The following SDK1 variants were observed in gnomAD, a reference collection of about 807,000 sequenced individuals.
SDK1 encodes the protein protein sidekick-1.
Under a neutral mutation model 245.5 loss-of-function variants are expected in SDK1, and 157 were observed. The observed-to-expected ratio is 0.64, with a 90% confidence interval of 0.56 to 0.73. The LOEUF is 0.73. Among genes scored for constraint, SDK1 ranks in the 30% least tolerant of loss-of-function variants. The pLI is 0.00. For synonymous variants in SDK1, 1,647 were observed against 1,278.5 expected, an observed-to-expected ratio of 1.29 and a Z score of -6.15; for missense variants, 3,583 against 3,002.3, an observed-to-expected ratio of 1.19 and a Z score of -4.52.
At chr7:4,248,820 C>G (rs1017748113) in intron 44 of SDK1, among the ~76,000 whole-genome samples, 1 of 152,184 alleles carries the variant, frequency 6.6e-6, no homozygotes, top group Non-Finnish European at 1.5e-5. Flanking sequence ...CACACAGGCA[C>G]ATGGCTCACA....
In SDK1 at chr7:3,454,444, T is replaced by C. The variant is rs552173222; in HGVS notation, c.298+152560T>C. On this transcript the variant is annotated intron_variant, in intron 1 of 44. Transcript: ENST00000404826. Reference sequence around the variant, plus strand: ...TGTGTGCTGTGTACATTTAAGTCTATGCAATTCTGTTACAGGTGTGGGTTT... The same window carrying C: ...TGTGTGCTGTGTACATTTAAGTCTACGCAATTCTGTTACAGGTGTGGGTTT... Among the ~76,000 whole-genome samples, 7 of 150,060 alleles carry C rather than the reference T, an allele frequency of 4.7e-5. No individual in the cohort carries two copies. In the East Asian group the frequency reaches 1.4e-3, roughly 29 times the overall value.
chr7:3,551,214 T>C (rs1342779993), intron 1 of SDK1, among the ~76,000 whole-genome samples: 2 of 152,304 alleles, frequency 1.3e-5, no homozygotes, highest in Middle Eastern at 3.4e-3. Context: ...CACATCTGTG[T>C]TTGTAATGTA....
intron 7 of SDK1, among the ~76,000 whole-genome samples, chr7:3,954,269 CTCTCCCGCATCACCTCTACACTCTACAG>C (rs1187526356): frequency 3.6e-5 from 4 of 109,614 alleles, no homozygotes; most frequent in South Asian, 4.0e-4. Context: ...CTACACCCTC[CTCTCCCGCATCACCTCTACACTCTACAG>C]CCTCCCCTCC....
intron 28 of SDK1, among the ~76,000 whole-genome samples, chr7:4,138,452 A>C (rs1490170180): frequency 6.6e-6 from 1 of 152,194 alleles, no homozygotes; most frequent in East Asian, 1.9e-4. Flanking sequence ...GCGTAGAAAA[A>C]TGATTACCAA....
intron 1 of SDK1, among the ~76,000 whole-genome samples, chr7:3,483,393 G>A (rs1321738743): frequency 6.6e-6 from 1 of 152,098 alleles, no homozygotes; most frequent in Non-Finnish European, 1.5e-5. Flanking sequence ...TATTGAAGAT[G>A]TAAGAAGGCT....
At chr7:3,851,271 CT>C (rs1318814322) in intron 5 of SDK1, among the ~76,000 whole-genome samples, 1 of 151,892 alleles carries the variant, frequency 6.6e-6, no homozygotes, top group Non-Finnish European at 1.5e-5. Flanking sequence ...ATGATATAGT[CT>C]TTTTTAATTG....
intron 4 of SDK1, among the ~76,000 whole-genome samples, chr7:3,739,785 T>A (rs1285296342): frequency 6.6e-6 from 1 of 152,186 alleles, no homozygotes; most frequent in African/African-American, 2.4e-5. Flanking sequence ...TGATTGCTTT[T>A]TTTCCCCCGT....
At chr7:4,054,079 C>T (rs1264465571) in intron 19 of SDK1, among the ~76,000 whole-genome samples, 6 of 151,894 alleles carry the variant, frequency 4.0e-5, no homozygotes, top group Admixed American at 3.3e-4. Flanking sequence ...GCTGGTATTA[C>T]AGGCACCGGC....
At chr7:3,787,313 A>G (rs1424224055) in intron 4 of SDK1, among the ~76,000 whole-genome samples, 1 of 152,194 alleles carries the variant, frequency 6.6e-6, no homozygotes, top group African/African-American at 2.4e-5. Flanking sequence ...ATACATAAGC[A>G]TCTAAACTCT....
At chr7:4,159,148 A>G (rs1300583316) in intron 31 of SDK1, among the ~76,000 whole-genome samples, 1 of 152,210 alleles carries the variant, frequency 6.6e-6, no homozygotes, top group African/African-American at 2.4e-5. Flanking sequence ...GAAACCCAGT[A>G]CTTAGTTCAC....
chr7:3,743,346 G>A (rs1490972431), intron 4 of SDK1, among the ~76,000 whole-genome samples: 1 of 152,174 alleles, frequency 6.6e-6, no homozygotes, highest in Non-Finnish European at 1.5e-5. Flanking sequence ...GTCTTGCTAA[G>A]TCACAGATTT....
intron 1 of SDK1, among the ~76,000 whole-genome samples, chr7:3,612,807 G>T (rs1048534530): frequency 2.6e-5 from 4 of 152,032 alleles, no homozygotes; most frequent in African/African-American, 7.2e-5. Flanking sequence ...TGGTCCTCCC[G>T]GCTGGACTCG....
chr7:4,078,474 A>G (rs1354126248), intron 21 of SDK1, among the ~76,000 whole-genome samples: 1 of 152,186 alleles, frequency 6.6e-6, no homozygotes, highest in East Asian at 1.9e-4. Flanking sequence ...GACCCTGCCC[A>G]TGCCGATACT....
At chr7:4,054,319 T>C (rs1583962442) in intron 19 of SDK1, among the ~76,000 whole-genome samples, 1 of 152,234 alleles carries the variant, frequency 6.6e-6, no homozygotes. Context: ...CGTGTACATT[T>C]AGCCCAGTTT....
At chr7:3,584,346 G>C (rs1780612964) in intron 1 of SDK1, among the ~76,000 whole-genome samples, 1 of 152,110 alleles carries the variant, frequency 6.6e-6, no homozygotes, top group Non-Finnish European at 1.5e-5. Context: ...TCCCTGTCTA[G>C]TTTCACGTGA....
intron 17 of SDK1, 79 bp downstream of exon 17, chr7:4,017,431 T>C (rs1301426915): frequency 2.3e-6 from 3 of 1,314,702 alleles, no homozygotes; most frequent in African/African-American, 1.5e-5. Context: ...TGGAGTACGT[T>C]AGAAAGAAAA....
At chr7:3,348,723 G>C (rs767320525) in intron 1 of SDK1, among the ~76,000 whole-genome samples, 1 of 152,082 alleles carries the variant, frequency 6.6e-6, no homozygotes, top group Non-Finnish European at 1.5e-5. Flanking sequence ...TTCAAAAAGT[G>C]AGCTGTTATT....
chr7:3,587,327 G>C (rs1780723605), intron 1 of SDK1, among the ~76,000 whole-genome samples: 1 of 143,120 alleles, frequency 7.0e-6, no homozygotes, highest in African/African-American at 2.7e-5. Flanking sequence ...GTGTGTGTGT[G>C]TCTAAAGAGA....
At chr7:3,424,231 A>G (rs973504102) in intron 1 of SDK1, among the ~76,000 whole-genome samples, 3 of 152,148 alleles carry the variant, frequency 2.0e-5, no homozygotes, top group African/African-American at 7.2e-5. Context: ...TAATTTTAGG[A>G]ATGTTGTATT....
Sources: allele counts gnomAD v4.1 joint callset (sites outside exome capture counted in the v4.1 genomes callset), GRCh38; gene constraint gnomAD v4.1.1; transcripts MANE v1.5; gene names NCBI Gene and HGNC (gene_info 2026-07-23, HGNC 2026-07-21).